The following TENM4 variants were observed in gnomAD, a reference collection of about 807,000 sequenced individuals.
TENM4 encodes teneurin-4.
In TENM4, 82 loss-of-function variants were observed where a neutral mutation model predicts 243.3. The observed-to-expected ratio is 0.34, with a 90% CI of 0.28 to 0.40. The LOEUF is 0.40. TENM4 is among the 10% of genes least tolerant of loss of function. The pLI is 1.00. For missense variants in TENM4, 3,138 were observed against 3,673.3 expected (o/e 0.85, Z 3.77); for synonymous variants, 1,412 against 1,456.3 (o/e 0.97, Z 0.69).
At chr11:79,081,114 CA>C (rs2137028582) in intron 4 of TENM4, among the ~76,000 whole-genome samples, 1 of 152,320 alleles carries the variant, frequency 6.6e-6, no homozygotes, top group Non-Finnish European at 1.5e-5. Flanking sequence ...AGTTTTAACA[CA>C]AAGGCCTCCT....
intron 18 of TENM4, among the ~76,000 whole-genome samples, chr11:78,763,995 C>G (rs1856487953): frequency 6.6e-6 from 1 of 152,200 alleles, no homozygotes; most frequent in Non-Finnish European, 1.5e-5. Flanking sequence ...TTAATGGTGG[C>G]CAGTGACTGG....
chr11:78,855,857 T>C (rs1260051667), intron 11 of TENM4, 107 bp downstream of exon 11: 1 of 1,072,018 alleles, frequency 9.3e-7, no homozygotes, highest in Non-Finnish European at 1.3e-6. Context: ...ATAAAATATA[T>C]AAATGTCCCT....
chr11:78,789,642 A>AAACAG (rs151231100), intron 15 of TENM4, among the ~76,000 whole-genome samples: 2,290 of 152,302 alleles, frequency 0.015, 52 homozygotes, highest in African/African-American at 0.053. Flanking sequence ...GTGTGAAAGT[A>AAACAG]AACAGCAGAA....
rs1449458999 is a variant in TENM4, at chr11:78,712,338, G to A, written c.4054+144C>T. On this transcript the variant is annotated intron_variant, in intron 26 of 33. Transcript: ENST00000278550. ...TGTTAACTGGGAGTATTTCTGGCAG[G>A]TGGAATTATCACAGTTTTTACCATC... 1.2e-5 allele frequency: 8 copies of A among 681,942 alleles called. No individual in the cohort carries two copies. The East Asian group carries it at 2.2e-4, about 19-fold the overall frequency. 42.2% of individuals were successfully genotyped at this position (681,942 alleles called of 1,614,324 possible).
At chr11:79,233,490 G>A (rs1427847976) in intron 2 of TENM4, among the ~76,000 whole-genome samples, 1 of 152,162 alleles carries the variant, frequency 6.6e-6, no homozygotes, top group Non-Finnish European at 1.5e-5. Flanking sequence ...GATGGTAGAT[G>A]AACTTAATAA....
In TENM4 at chr11:78,856,063, G is replaced by A; in HGVS notation, c.1371C>T (p.Phe457=). 1.9e-6 allele frequency: 3 copies of A among 1,551,662 alleles called. No individual in the cohort carries two copies. The highest frequency in any genetic ancestry group is 1.7e-4 in the Middle Eastern group (1 of 5,992). ...PPGTFWRSQV[F]IDHPVHLKFN... ...ATTTCAGATGCACAGGATGGTCTAT[G>A]AACACTTGAGATCTCCAGAAAGTGC... is the stretch of plus-strand genomic sequence containing the variant. Residue 457 remains phenylalanine (F), a synonymous_variant, in exon 11 of 34, where the codon TTC becomes TTT. Transcript: ENST00000278550.
At chr11:79,311,368 C>G (rs1856718814) in intron 1 of TENM4, among the ~76,000 whole-genome samples, 1 of 152,166 alleles carries the variant, frequency 6.6e-6, no homozygotes, top group Non-Finnish European at 1.5e-5. Flanking sequence ...ACAGTGTCTG[C>G]CCATTAAGTG....
chr11:78,972,981 G>A (rs570120306), intron 6 of TENM4, among the ~76,000 whole-genome samples: 8 of 152,268 alleles, frequency 5.3e-5, no homozygotes, highest in African/African-American at 1.9e-4. Context: ...TTTCTCAAGG[G>A]TTCATCCAAA....
chr11:78,667,454 G>A (rs929681231), intron 32 of TENM4, among the ~76,000 whole-genome samples: 5 of 152,166 alleles, frequency 3.3e-5, no homozygotes, highest in African/African-American at 9.7e-5. Context: ...TGTATTATAT[G>A]TGCTGCCTTC....
intron 32 of TENM4, among the ~76,000 whole-genome samples, chr11:78,662,316 G>A (rs987167353): frequency 2.0e-5 from 3 of 151,548 alleles, no homozygotes; most frequent in Admixed American, 6.6e-5. Context: ...TCAGCCTCCC[G>A]AGTAGCTGGG....
chr11:79,267,460 C>T (rs185621927), intron 2 of TENM4, among the ~76,000 whole-genome samples: 47 of 152,226 alleles, frequency 3.1e-4, no homozygotes, highest in East Asian at 9.7e-4. Flanking sequence ...AAGGTTGATG[C>T]TAGGTAAACT....
intron 5 of TENM4, among the ~76,000 whole-genome samples, chr11:79,067,078 C>T (rs558761823): frequency 3.3e-5 from 5 of 152,160 alleles, no homozygotes; most frequent in African/African-American, 1.2e-4. Flanking sequence ...CCCAATACCC[C>T]CAATCTCCTC....
intron 30 of TENM4, among the ~76,000 whole-genome samples, chr11:78,673,504 G>A (rs188339514): frequency 2.0e-5 from 3 of 152,112 alleles, no homozygotes; most frequent in African/African-American, 2.4e-5. Context: ...GGATCCCTGT[G>A]TGGTTAAAAA....
intron 4 of TENM4, among the ~76,000 whole-genome samples, chr11:79,082,273 C>G (rs1311423122): frequency 6.6e-6 from 1 of 152,156 alleles, no homozygotes; most frequent in Non-Finnish European, 1.5e-5. Flanking sequence ...CTAAGTGGCT[C>G]TTTTTCGGTA....
intron 6 of TENM4, among the ~76,000 whole-genome samples, chr11:78,924,289 C>G (rs963479988): frequency 6.6e-6 from 1 of 152,178 alleles, no homozygotes. Context: ...CAGAGCAAAA[C>G]CAGGATGAGA....
At chr11:79,049,882 C>G (rs541323102) in intron 6 of TENM4, among the ~76,000 whole-genome samples, 1 of 152,338 alleles carries the variant, frequency 6.6e-6, no homozygotes, top group Admixed American at 6.5e-5. Context: ...GAGAAAAACT[C>G]TTGGAAGCTT....
chr11:79,100,789 C>T (rs1438877383), intron 4 of TENM4, among the ~76,000 whole-genome samples: 2 of 152,184 alleles, frequency 1.3e-5, no homozygotes, highest in African/African-American at 2.4e-5. Flanking sequence ...CCCTCCCTCT[C>T]TCCTCCCAAT....
intron 20 of TENM4, among the ~76,000 whole-genome samples, chr11:78,736,199 C>G (rs541252717): frequency 6.6e-6 from 1 of 152,224 alleles, no homozygotes; most frequent in South Asian, 2.1e-4. Context: ...TGGTCTTGAA[C>G]TCCTGTGCTC....
intron 1 of TENM4, among the ~76,000 whole-genome samples, chr11:79,406,377 T>C (rs1261054113): frequency 6.6e-6 from 1 of 152,196 alleles, no homozygotes; most frequent in African/African-American, 2.4e-5. Flanking sequence ...AAAAAATGAA[T>C]ATGATGAACA....
Sources: gnomAD v4.1 joint callset for allele counts (sites outside exome capture counted in the v4.1 genomes callset) on GRCh38, gnomAD v4.1.1 for gene constraint, MANE v1.5 for transcripts, NCBI Gene and HGNC (gene_info 2026-07-23, HGNC 2026-07-21) for gene names.